Variants in CTPS2 observed in about 807,000 individuals in gnomAD.
CTPS2 encodes CTP synthase 2, also known as CTP synthase II.
Under a neutral mutation model 46.8 loss-of-function variants are expected in CTPS2, and 19 were observed. That is an observed-to-expected ratio of 0.41 (90% CI 0.28 to 0.60). The LOEUF (loss-of-function observed/expected upper bound fraction) is 0.60, where lower values mean the gene tolerates loss of function less well. CTPS2 is among the 20% of genes least tolerant of loss of function. The probability of loss-of-function intolerance (pLI) is 0.35; values close to 1 mark genes in which losing one functional copy is unlikely to be tolerated. For missense variants in CTPS2, 286 were observed against 447.6 expected, an observed-to-expected ratio of 0.64 and a Z score of 3.26; for synonymous variants, 151 against 165.2, an observed-to-expected ratio of 0.91 and a Z score of 0.66.
At chrX:16,687,474 C>CAAAAAAAAAAAA (rs35798035) in intron 8 of CTPS2, among the ~76,000 whole-genome samples, 1 of 44,417 alleles carries the variant, frequency 2.3e-5, no homozygotes, top group Non-Finnish European at 4.1e-5. Context: ...CACCCTGTGT[C>CAAAAAAAAAAAA]AAAAAAAAAA....
At chrX:16,704,635 G>A (rs1381734668) in intron 1 of CTPS2, among the ~76,000 whole-genome samples, 1 of 111,317 alleles carries the variant, frequency 9.0e-6, no homozygotes, top group Non-Finnish European at 1.9e-5. Flanking sequence ...CAGGAAGAGC[G>A]AACCCTGATG....
chrX:16,711,329 G>A, intron 1 of CTPS2, among the ~76,000 whole-genome samples: 1 of 111,734 alleles, frequency 8.9e-6, no homozygotes, highest in Non-Finnish European at 1.9e-5. Context: ...TCAGGTGCCT[G>A]TACTCAGAGC....
intron 7 of CTPS2, among the ~76,000 whole-genome samples, chrX:16,691,040 G>A (rs1369854298): frequency 8.9e-6 from 1 of 111,979 alleles, no homozygotes; most frequent in African/African-American, 3.2e-5. Flanking sequence ...CCTGGTACTG[G>A]GCACGATGGC....
chrX:16,623,761 G>A (rs992490643), intron 14 of CTPS2, among the ~76,000 whole-genome samples: 3 of 99,022 alleles, frequency 3.0e-5, no homozygotes, highest in Non-Finnish European at 6.0e-5. Flanking sequence ...CCTTCCTTTC[G>A]GGTATATACC....
chrX:16,598,896 G>T (rs1929463174), intron 17 of CTPS2, among the ~76,000 whole-genome samples: 1 of 111,878 alleles, frequency 8.9e-6, no homozygotes, highest in South Asian at 3.7e-4. Context: ...ATGCAAGGCT[G>T]ATTCAATATA....
At chrX:16,698,427 G>A (rs1237775705) in intron 3 of CTPS2, 91 bp from the exon 4 acceptor site, 6 of 567,508 alleles carry the variant, frequency 1.1e-5, no homozygotes, top group Admixed American at 6.0e-5. Flanking sequence ...AAAGTCACCT[G>A]GCAAGTTACC....
chrX:16,609,060 G>A (rs73448250), intron 17 of CTPS2, among the ~76,000 whole-genome samples: 2,828 of 110,888 alleles, frequency 0.026, 100 homozygotes, highest in African/African-American at 0.087. Context: ...AACTCTTTAG[G>A]GAGAACAAAA....
At chrX:16,655,274 G>A (rs1023815820) in intron 13 of CTPS2, among the ~76,000 whole-genome samples, 1 of 112,007 alleles carries the variant, frequency 8.9e-6, no homozygotes, top group African/African-American at 3.2e-5. Flanking sequence ...GGGTGGCCTC[G>A]GGTCTACCAG....
chrX:16,674,795 G>A (rs1310526951), intron 10 of CTPS2, among the ~76,000 whole-genome samples: 7 of 103,871 alleles, frequency 6.7e-5, no homozygotes, highest in South Asian at 4.6e-4. Context: ...CAGAGATTGC[G>A]CCACTGCACT....
intron 17 of CTPS2, among the ~76,000 whole-genome samples, chrX:16,599,467 C>CTTTTTTTTTTTTTTT (rs1009319649): frequency 1.1e-5 from 1 of 94,557 alleles, no homozygotes; most frequent in African/African-American, 4.1e-5. Flanking sequence ...TTTTCTTTTT[C>CTTTTTTTTTTTTTTT]TTTTTTTTCT....
intron 17 of CTPS2, among the ~76,000 whole-genome samples, chrX:16,604,612 C>T (rs182672280): frequency 1.7e-3 from 182 of 109,171 alleles, no homozygotes; most frequent in Non-Finnish European, 3.1e-3. Context: ...GGATTGCTTG[C>T]GCCCAGGAGC....
rs755022945 is a variant in CTPS2, at chrX:16,603,193, G to A, written c.1691+6348C>T. Among the ~76,000 whole-genome samples, 30 of 110,797 alleles carry A rather than the reference G, an allele frequency of 2.7e-4. No homozygotes were observed. In the South Asian group the frequency reaches 0.011, roughly 42 times the overall value. ...GCACTTCGGGAGGCCGAGGCGGGTG[G>A]ATCACGAGGTCAGGAGTTCAAGACC... On this transcript the variant is annotated intron_variant, in intron 17 of 18. Transcript: ENST00000359276.
At chrX:16,666,160 G>A (rs1354799608) in intron 13 of CTPS2, among the ~76,000 whole-genome samples, 1 of 112,202 alleles carries the variant, frequency 8.9e-6, no homozygotes, top group African/African-American at 3.2e-5. Flanking sequence ...TTAGAAGTAG[G>A]TGCCCAGCAG....
chrX:16,650,692 G>C (rs993761993), intron 13 of CTPS2, among the ~76,000 whole-genome samples: 2 of 108,746 alleles, frequency 1.8e-5, no homozygotes, highest in Non-Finnish European at 3.8e-5. Flanking sequence ...TTTGTATAGA[G>C]ACAGGGTCTC....
chrX:16,707,616 G>C (rs1223772577), intron 1 of CTPS2, among the ~76,000 whole-genome samples: 2 of 111,522 alleles, frequency 1.8e-5, no homozygotes, highest in Admixed American at 9.6e-5. Context: ...CAAGGCTGCA[G>C]TTAGCCAAGT....
At chrX:16,654,281 A>C (rs182050129) in intron 13 of CTPS2, 1 of 434,068 alleles carries the variant, frequency 2.3e-6, no homozygotes. Flanking sequence ...GATGCATGTC[A>C]CTGGAAACCT....
chrX:16,697,700 C>G (rs754327276), intron 4 of CTPS2, among the ~76,000 whole-genome samples: 2 of 110,776 alleles, frequency 1.8e-5, no homozygotes, highest in Admixed American at 2.0e-4. Context: ...ACCCTGGCAT[C>G]TGAAAATGCC....
At chrX:16,652,755 T>C (rs781239207) in intron 13 of CTPS2, among the ~76,000 whole-genome samples, 1 of 111,793 alleles carries the variant, frequency 8.9e-6, no homozygotes, top group East Asian at 2.8e-4. Context: ...GTTCTGAAAG[T>C]CTACTTAACA....
intron 13 of CTPS2, among the ~76,000 whole-genome samples, chrX:16,667,187 C>T (rs1257919937): frequency 3.3e-5 from 3 of 92,053 alleles, no homozygotes; most frequent in African/African-American, 8.1e-5. Context: ...GGCTGGAGTG[C>T]GGTGGCATGA....
Sources: allele counts gnomAD v4.1 joint callset (sites outside exome capture counted in the v4.1 genomes callset), GRCh38; gene constraint gnomAD v4.1.1; transcripts MANE v1.5; gene names NCBI Gene and HGNC (gene_info 2026-07-23, HGNC 2026-07-21).